CRIP3: variants seen among roughly 807,000 people sequenced by gnomAD.
The protein encoded by CRIP3 is cysteine-rich protein 3.
In CRIP3, 23 loss-of-function variants were observed where a neutral mutation model predicts 30.3. The ratio of observed to expected loss-of-function variants is 0.76; its 90% CI spans 0.55 to 1.08. The LOEUF is 1.08. Among genes scored for constraint, CRIP3 ranks in the 50% least tolerant of loss-of-function variants. The pLI is 0.00. For missense variants in CRIP3, 261 were observed against 259.3 expected (o/e 1.01, Z -0.04); for synonymous variants, 89 against 97.6 (o/e 0.91, Z 0.52).
rs544057946 is a variant in CRIP3 at position 43,308,636 on chromosome 6, G to A, written c.43+114C>T. On this transcript the variant is annotated intron_variant, in intron 1 of 7. Coordinates refer to ENST00000372569, the MANE Select transcript of CRIP3 (RefSeq NM_206922.3). ...GCGGGTGGTGCGGAGACTACCAGCC[G>A]CTGCAGGTGAAAAGGGTGTCTGGGA... 28 of 1,328,300 alleles carry A rather than the reference G, an allele frequency of 2.1e-5. No homozygotes were observed. In the South Asian group the frequency reaches 2.3e-4, roughly 11 times the overall value. 82.3% of individuals were successfully genotyped at this position (1,328,300 alleles called of 1,614,324 possible).
intron 1 of CRIP3, 97 bp downstream of exon 1, chr6:43,308,653 T>C: frequency 3.4e-6 from 5 of 1,468,540 alleles, no homozygotes; most frequent in Non-Finnish European, 3.8e-6. Flanking sequence ...GTGAAAAGGG[T>C]GTCTGGGACT....
chr6:43,307,517 G>A (rs1778969977), intron 4 of CRIP3, 95 bp downstream of exon 4: 6 of 1,170,216 alleles, frequency 5.1e-6, no homozygotes, highest in Non-Finnish European at 6.8e-6. Flanking sequence ...ATGTGAAGCA[G>A]AGGGCTGGAT....
At chr6:43,308,610 A>G in intron 1 of CRIP3, 140 bp downstream of exon 1, 2 of 1,089,522 alleles carry the variant, frequency 1.8e-6, no homozygotes, top group Admixed American at 1.9e-5. Flanking sequence ...CCCGAGTGGG[A>G]GCGGGTGGTG....
chr6:43,306,878 C>A, intron 4 of CRIP3: 1 of 209,550 alleles, frequency 4.8e-6, no homozygotes, highest in Non-Finnish European at 9.6e-6. Context: ...TCATTGCCTA[C>A]TTCAGGGAAT....
In CRIP3 at chr6:43,308,746, T is replaced by C; in HGVS notation, c.43+4A>G. ...CTTCTCCCCCTCCGCAGCCCGGGCCTCACCGAAGAAAACAGGTTGCTGGCA... is the reference window on the plus strand; with the variant it reads ...CTTCTCCCCCTCCGCAGCCCGGGCCCCACCGAAGAAAACAGGTTGCTGGCA... On this transcript the variant is annotated splice_donor_region_variant and intron_variant, in intron 1 of 7. Transcript: ENST00000372569. The C allele has an allele frequency of 6.2e-7, 1 of 1,613,850 alleles. No individual in the cohort carries two copies. The highest frequency in any genetic ancestry group is 1.1e-5 in the South Asian group (1 of 91,060).
intron 4 of CRIP3, 35 bp from the exon 5 acceptor site, chr6:43,306,552 G>T (rs772294717): frequency 9.8e-6 from 15 of 1,530,380 alleles, no homozygotes; most frequent in East Asian, 4.5e-5. Flanking sequence ...TATGTCTGAG[G>T]TGGAGATGCC....
Position 43,308,767 on chromosome 6 carries a change from T to C in CRIP3, c.26A>G (p.Gln9Arg). 1.9e-6 allele frequency: 3 copies of C among 1,613,926 alleles called. No homozygotes were observed. Among genetic ancestry groups the C allele is most frequent in the African/African-American group, 1.3e-5 (1 of 74,994 alleles). ...GGCCTCACCGAAGAAAACAGGTTGC[T>C]GGCAACGCGGACAGGTCCAGCTCAT... MSWTCPRC[Q>R]QPVFFAEKVS... Residue 9 changes from glutamine (Q) to arginine (R), a missense_variant, in exon 1 of 8, where the codon CAG (glutamine) becomes CGG (arginine). By Grantham distance (43) the Gln-to-Arg change is conservative (BLOSUM62 1). Coordinates refer to ENST00000372569, the MANE Select transcript of CRIP3 (RefSeq NM_206922.3).
chr6:43,307,564 T>C (rs1297424762), intron 4 of CRIP3, 48 bp downstream of exon 4: 3 of 1,375,798 alleles, frequency 2.2e-6, no homozygotes, highest in Admixed American at 2.7e-5. Context: ...CGCTCCAGCT[T>C]GGGGAAGGGT....
rs980027752 is a variant in CRIP3, at chr6:43,308,821, C to T, written c.-29G>A. 4 of 1,613,426 alleles carry T rather than the reference C, an allele frequency of 2.5e-6. No individual in the cohort carries two copies. The highest frequency in any genetic ancestry group is 3.4e-6 in the Non-Finnish European group (4 of 1,179,688). On this transcript the variant is annotated 5_prime_UTR_variant, in exon 1 of 8. It adds an upstream start codon to the 5' untranslated region. Transcript: ENST00000372569. ...TCCGCTCCAGGCAGCGCACGCGGCA[C>T]ACAGTAGGTACGCCGCTGCGGCTCA... is the stretch of plus-strand genomic sequence containing the variant.
Position 43,305,502 on chromosome 6 carries a change from A to G in CRIP3, c.*312T>C. ...GCCAACATTTTATTGAAGAAGCCAC[A>G]GAGGCTGAAATTCAATAAACACAAG... On this transcript the variant is annotated 3_prime_UTR_variant, in exon 8 of 8. Transcript: ENST00000372569. 1 of 417,508 alleles carries G rather than the reference A, an allele frequency of 2.4e-6. No homozygotes were observed. 25.9% of individuals were successfully genotyped at this position (417,508 alleles called of 1,614,324 possible).
rs760878382 is a variant in CRIP3, at chr6:43,308,807, C to A, written c.-15G>T. On this transcript the variant is annotated 5_prime_UTR_variant, in exon 1 of 8. Coordinates refer to ENST00000372569, the MANE Select transcript of CRIP3 (RefSeq NM_206922.3). ...GTCCAGCTCATAGCTCCGCTCCAGG[C>A]AGCGCACGCGGCACACAGTAGGTAC... is the stretch of plus-strand genomic sequence containing the variant. 3.7e-6 allele frequency: 6 copies of A among 1,613,980 alleles called. No individual in the cohort carries two copies. Among genetic ancestry groups the A allele is most frequent in the Admixed American group, 1.7e-5 (1 of 60,018 alleles).
At position 43,306,518 on chromosome 6, in the gene CRIP3, C is replaced by A. The variant is rs751322556; in HGVS notation, c.329-1G>T. The A allele has an allele frequency of 2.4e-5, 39 of 1,602,664 alleles. No homozygotes were observed. The highest frequency in any genetic ancestry group is 3.2e-5 in the Non-Finnish European group (38 of 1,174,234). On this transcript the variant is annotated splice_acceptor_variant, in intron 4 of 7. Transcript: ENST00000372569. LOFTEE classifies it high-confidence loss of function. Reference sequence around the variant, plus strand: ...GTGAATGTCTTCATATGGGGAGGGCCTTTAAAGGGGAAGAGGCCCTGGCTA... The same window carrying A: ...GTGAATGTCTTCATATGGGGAGGGCATTTAAAGGGGAAGAGGCCCTGGCTA...
At position 43,308,796 on chromosome 6, in the gene CRIP3, T is replaced by C. The variant is rs374781198; in HGVS notation, c.-4A>G. ...AACGCGGACAGGTCCAGCTCATAGC[T>C]CCGCTCCAGGCAGCGCACGCGGCAC... is the stretch of plus-strand genomic sequence containing the variant. On this transcript the variant is annotated 5_prime_UTR_variant, in exon 1 of 8. Transcript: ENST00000372569. The C allele has an allele frequency of 1.5e-4, 242 of 1,613,756 alleles. No individual in the cohort carries two copies. The highest frequency in any genetic ancestry group is 2.0e-4 in the Non-Finnish European group (234 of 1,179,994).
rs1778908238 is a variant in CRIP3 at position 43,305,618 on chromosome 6, A to C, written c.*196T>G. On this transcript the variant is annotated 3_prime_UTR_variant, in exon 8 of 8. Transcript: ENST00000372569. Reference sequence around the variant, plus strand: ...TACCCTTCAAAACGGGCTGTTCCCTAACCAGATAGAAATGGGAAAGGGAAA... The same window carrying C: ...TACCCTTCAAAACGGGCTGTTCCCTCACCAGATAGAAATGGGAAAGGGAAA... 1.5e-6 allele frequency: 1 copy of C among 679,900 alleles called. No homozygotes were observed. The highest frequency in any genetic ancestry group is 1.7e-5 in the South Asian group (1 of 57,262). 42.1% of individuals were successfully genotyped at this position (679,900 alleles called of 1,614,324 possible).
intron 2 of CRIP3, 124 bp from the exon 3 acceptor site, chr6:43,308,020 G>A: frequency 1.9e-6 from 2 of 1,048,978 alleles, no homozygotes; most frequent in Non-Finnish European, 2.9e-6. Context: ...GCCTGGGAGG[G>A]GTGGGGGATG....
In CRIP3 at chr6:43,306,333, G is replaced by A. The variant is rs754460140; in HGVS notation, c.401-20C>T. On this transcript the variant is annotated intron_variant, in intron 5 of 7. Coordinates refer to ENST00000372569, the MANE Select transcript of CRIP3 (RefSeq NM_206922.3). ...TCTCAGCTGGTGGTGGAAAGAAGTG[G>A]TAATGCTTCCATTCTAGGGGTAGAG... 6.2e-7 allele frequency: 1 copy of A among 1,613,370 alleles called. No individual in the cohort carries two copies. Among genetic ancestry groups the A allele is most frequent in the Non-Finnish European group, 8.5e-7 (1 of 1,179,456 alleles).
intron 5 of CRIP3, 53 bp from the exon 6 acceptor site, chr6:43,306,366 A>C: frequency 1.2e-6 from 2 of 1,601,300 alleles, no homozygotes; most frequent in Non-Finnish European, 1.7e-6. Flanking sequence ...GAGTAGGGAG[A>C]CCTACCTGCC....
At chr6:43,308,652 G>C (rs2254303) in intron 1 of CRIP3, 98 bp downstream of exon 1, 9 of 1,451,676 alleles carry the variant, frequency 6.2e-6, no homozygotes, top group Non-Finnish European at 6.7e-6. Flanking sequence ...GGTGAAAAGG[G>C]TGTCTGGGAC....
chr6:43,308,385 T>C lies in CRIP3; in HGVS notation c.68A>G (p.Lys23Arg). 1 of 1,613,020 alleles carries C rather than the reference T, an allele frequency of 6.2e-7. No homozygotes were observed. Among genetic ancestry groups the C allele is most frequent in the Non-Finnish European group, 8.5e-7 (1 of 1,179,748 alleles). Residue 23 changes from lysine (K) to arginine (R), a missense_variant, in exon 2 of 8, where the codon AAG becomes AGG. Transcript: ENST00000372569. ...FFAEKVSSLG[K>R]NWHRFCLKCE... ...TTTCAGGCAGAAGCGGTGCCAGTTC[T>C]TGCCCAGGGAGCTCACCTTCTCAGC...
Sources: allele counts gnomAD v4.1 joint callset, GRCh38; gene constraint gnomAD v4.1.1; transcripts MANE v1.5; gene names NCBI Gene and HGNC (gene_info 2026-07-23, HGNC 2026-07-21).